Variants in SPOCK1 observed in about 807,000 individuals in gnomAD.
The protein encoded by SPOCK1 is SPARC (osteonectin), cwcv and kazal like domains proteoglycan 1.
SPOCK1 carries 23 observed loss-of-function variants against 55.3 expected under a neutral mutation model. The observed-to-expected ratio is 0.42, with a 90% CI of 0.30 to 0.59. SPOCK1 has a LOEUF of 0.59. SPOCK1 is among the 20% of genes least tolerant of loss of function. The pLI is 0.22. For missense variants in SPOCK1, 499 were observed against 552.5 expected, an observed-to-expected ratio of 0.90 and a Z score of 0.97; for synonymous variants, 226 against 221.0, an observed-to-expected ratio of 1.02 and a Z score of -0.20.
At chr5:137,243,004 A>ACTT (rs34712618) in intron 3 of SPOCK1, among the ~76,000 whole-genome samples, 65,467 of 151,854 alleles carry the variant, frequency 0.43, 14,647 homozygotes, top group Middle Eastern at 0.48. Flanking sequence ...TTTTTACTGT[A>ACTT]CTTCTTTCTA....
At chr5:137,478,861 AG>A (rs1200661131) in intron 2 of SPOCK1, among the ~76,000 whole-genome samples, 1 of 152,022 alleles carries the variant, frequency 6.6e-6, no homozygotes. Context: ...AGATAGGGGT[AG>A]GGGGGCAGGC....
chr5:137,356,098 T>C (rs868402978), intron 2 of SPOCK1, among the ~76,000 whole-genome samples: 2 of 152,100 alleles, frequency 1.3e-5, no homozygotes, highest in Non-Finnish European at 1.5e-5. Context: ...GAGGGTGGGC[T>C]CAACTGAGTC....
intron 2 of SPOCK1, among the ~76,000 whole-genome samples, chr5:137,288,448 C>A (rs2127129295): frequency 6.6e-6 from 1 of 152,312 alleles, no homozygotes; most frequent in Admixed American, 6.5e-5. Flanking sequence ...TCTAAAGGCT[C>A]TATCTTCCCA....
intron 3 of SPOCK1, among the ~76,000 whole-genome samples, chr5:137,223,316 A>G (rs1755891426): frequency 6.6e-6 from 1 of 152,042 alleles, no homozygotes; most frequent in Non-Finnish European, 1.5e-5. Flanking sequence ...ATGAAAAAAA[A>G]AAAAAGTAAA....
rs895604306 is a variant in SPOCK1 at position 136,976,180 on chromosome 5, A to T, written c.*2474T>A. On this transcript the variant is annotated 3_prime_UTR_variant, in exon 11 of 11. Transcript: ENST00000394945. Reference sequence around the variant, plus strand: ...GAAAGTATTAAAGATCTTTAAAAAAATCGAATGCTGTCATGTCAAAGTGAG... The same window carrying T: ...GAAAGTATTAAAGATCTTTAAAAAATTCGAATGCTGTCATGTCAAAGTGAG... The T allele has an allele frequency of 3.9e-5, 6 of 152,212 alleles. No homozygotes were observed. The highest frequency in any genetic ancestry group is 1.4e-4 in the African/African-American group (6 of 41,458). The allele number at this position is 152,212 out of a possible 1,614,324, so 9.4% of individuals were successfully genotyped here. A position where few individuals can be genotyped will look rare whatever the true frequency, so the allele number is the denominator to read the frequency against.
At chr5:137,436,237 C>G (rs1456963891) in intron 2 of SPOCK1, among the ~76,000 whole-genome samples, 1 of 152,082 alleles carries the variant, frequency 6.6e-6, no homozygotes, top group Non-Finnish European at 1.5e-5. Flanking sequence ...GTTGACTTCC[C>G]TAATGTCAGA....
chr5:137,313,708 C>G (rs1269097989), intron 2 of SPOCK1: 1 of 154,082 alleles, frequency 6.5e-6, no homozygotes, highest in Admixed American at 6.5e-5. Flanking sequence ...CCTACCCTAC[C>G]CAGCTGCTGC....
Position 137,249,575 on chromosome 5 carries a change from T to C in SPOCK1, c.232+17435A>G, listed in dbSNP as rs562883092. Among the ~76,000 whole-genome samples the C allele has an allele frequency of 3.9e-5, 6 of 152,356 alleles. No homozygotes were observed. In the East Asian group the frequency reaches 7.7e-4, roughly 20 times the overall value. On this transcript the variant is annotated intron_variant, in intron 3 of 10. Coordinates refer to ENST00000394945, the MANE Select transcript of SPOCK1 (RefSeq NM_004598.4). ...GCAAAAAGGCTATTAAGAATAGTTA[T>C]CTATGGGAAGAATTATTAGAGATAA... is the stretch of plus-strand genomic sequence containing the variant.
At chr5:137,026,120 G>C (rs4472258) in intron 6 of SPOCK1, among the ~76,000 whole-genome samples, 129,007 of 152,236 alleles carry the variant, frequency 0.85, 55,191 homozygotes, top group South Asian at 0.95. Flanking sequence ...AGGGATGGAG[G>C]AGGACCAGGC....
intron 3 of SPOCK1, among the ~76,000 whole-genome samples, chr5:137,168,999 T>C (rs1754698986): frequency 6.6e-6 from 1 of 152,116 alleles, no homozygotes; most frequent in Admixed American, 6.6e-5. Flanking sequence ...ATATACACAA[T>C]GGAGTACTAT....
chr5:137,264,932 G>T (rs1335725956), intron 3 of SPOCK1, among the ~76,000 whole-genome samples: 1 of 152,198 alleles, frequency 6.6e-6, no homozygotes, highest in Non-Finnish European at 1.5e-5. Context: ...GAGGTACAAA[G>T]TGGGGATACT....
At chr5:137,412,919 G>T (rs1178541947) in intron 2 of SPOCK1, among the ~76,000 whole-genome samples, 1 of 151,856 alleles carries the variant, frequency 6.6e-6, no homozygotes. Context: ...AGTGTACTCT[G>T]ATTATCTGAC....
intron 2 of SPOCK1, among the ~76,000 whole-genome samples, chr5:137,439,796 G>C (rs905778348): frequency 2.0e-5 from 3 of 151,646 alleles, no homozygotes; most frequent in Non-Finnish European, 4.4e-5. Flanking sequence ...ACAGGTGGCA[G>C]ATGATAAGCA....
intron 6 of SPOCK1, among the ~76,000 whole-genome samples, chr5:137,059,449 G>A (rs1306268666): frequency 2.6e-5 from 4 of 152,112 alleles, no homozygotes; most frequent in Non-Finnish European, 4.4e-5. Context: ...ACCAAACTGG[G>A]ATGATGGATT....
Position 137,097,578 on chromosome 5 carries a change from T to A in SPOCK1, c.474+14857A>T, listed in dbSNP as rs145976256. Reference sequence around the variant, plus strand: ...ATGGTGGAATGGGGATAAGGGGATGTCATAGAGAGCCAGGAGAACAACTGA... The same window carrying A: ...ATGGTGGAATGGGGATAAGGGGATGACATAGAGAGCCAGGAGAACAACTGA... On this transcript the variant is annotated intron_variant, in intron 5 of 10. Coordinates refer to ENST00000394945, the MANE Select transcript of SPOCK1 (RefSeq NM_004598.4). Among the ~76,000 whole-genome samples, 363 of 152,268 alleles carry A rather than the reference T, an allele frequency of 2.4e-3. 4 individuals carry two copies. Among genetic ancestry groups the A allele is most frequent in the Non-Finnish European group, 2.4e-3 (165 of 68,024 alleles).
intron 2 of SPOCK1, among the ~76,000 whole-genome samples, chr5:137,306,079 T>C (rs1162122040): frequency 1.3e-5 from 2 of 152,204 alleles, no homozygotes; most frequent in South Asian, 2.1e-4. Flanking sequence ...CTAGTCACCA[T>C]GGCGTGGAAA....
At chr5:137,462,686 AG>A (rs1450769017) in intron 2 of SPOCK1, among the ~76,000 whole-genome samples, 8 of 152,248 alleles carry the variant, frequency 5.3e-5, no homozygotes, top group Non-Finnish European at 7.3e-5. Context: ...CATATTAAGC[AG>A]GGGCTTAATA....
intron 2 of SPOCK1, among the ~76,000 whole-genome samples, chr5:137,362,691 C>T (rs1006984132): frequency 2.6e-5 from 4 of 152,166 alleles, no homozygotes; most frequent in African/African-American, 9.7e-5. Flanking sequence ...CATATGACCT[C>T]TCCTCAACTC....
At chr5:137,359,734 T>C (rs1404303690) in intron 2 of SPOCK1, among the ~76,000 whole-genome samples, 1 of 152,174 alleles carries the variant, frequency 6.6e-6, no homozygotes, top group African/African-American at 2.4e-5. Context: ...CTTGCCCAAA[T>C]TGGATAAAGA....
Sources: allele counts gnomAD v4.1 joint callset (sites outside exome capture counted in the v4.1 genomes callset), GRCh38; gene constraint gnomAD v4.1.1; transcripts MANE v1.5; gene names NCBI Gene and HGNC (gene_info 2026-07-23, HGNC 2026-07-21).